The following NAA40 variants were observed in gnomAD, a reference collection of about 807,000 sequenced individuals.
NAA40 encodes the protein N-alpha-acetyltransferase 40.
Under a neutral mutation model 36.6 loss-of-function variants are expected in NAA40, and 26 were observed. That is an observed-to-expected ratio of 0.71 (90% CI 0.52 to 0.98). The LOEUF is 0.98. Ranked by LOEUF, NAA40 falls within the 50% of genes least tolerant of loss-of-function variation. The pLI is 0.00. For synonymous variants in NAA40, 129 were observed against 108.4 expected (o/e 1.19, Z -1.18); for missense variants, 237 against 306.5 (o/e 0.77, Z 1.69).
chr11:63,943,420 G>A (rs1180956135), intron 1 of NAA40, among the ~76,000 whole-genome samples: 1 of 152,196 alleles, frequency 6.6e-6, no homozygotes, highest in Non-Finnish European at 1.5e-5. Context: ...TGAAGCCCAG[G>A]CCTTATCGTG....
At position 63,952,472 on chromosome 11, in the gene NAA40, C is replaced by A. The variant is rs777751689; in HGVS notation, c.317C>A (p.Ala106Asp). Residue 106 changes from alanine to aspartate, a missense_variant, in exon 5 of 8, where the codon GCC becomes GAC. Physicochemically the swap from Ala to Asp is moderately radical, Grantham distance 126. Transcript: ENST00000377793. ...EKREEMTDDR[A>D]WYLIAWENSS... ...CGGGAGGAAATGACAGATGACCGAG[C>A]CTGGTACCTCATCGCGTGGGAAAAC... 1.2e-6 allele frequency: 2 copies of A among 1,614,176 alleles called. No homozygotes were observed. The highest frequency in any genetic ancestry group is 3.3e-5 in the Admixed American group (2 of 60,014).
chr11:63,948,966 T>C (rs1710485535), intron 3 of NAA40, among the ~76,000 whole-genome samples: 1 of 152,168 alleles, frequency 6.6e-6, no homozygotes, highest in African/African-American at 2.4e-5. Context: ...GGATCGTTTG[T>C]GCCCAGGAGT....
At chr11:63,940,132 C>T (rs576107367) in intron 1 of NAA40, among the ~76,000 whole-genome samples, 13 of 149,338 alleles carry the variant, frequency 8.7e-5, no homozygotes, top group Non-Finnish European at 1.2e-4. Flanking sequence ...CTCACTGCAT[C>T]CTCCTTCTTC....
At chr11:63,940,955 A>AAT (rs1942099437) in intron 1 of NAA40, among the ~76,000 whole-genome samples, 1 of 152,224 alleles carries the variant, frequency 6.6e-6, no homozygotes, top group South Asian at 2.1e-4. Context: ...AGAAGCAGCC[A>AAT]CTGCGGATTA....
chr11:63,950,414 C>T (rs895118961), intron 3 of NAA40, among the ~76,000 whole-genome samples: 2 of 151,952 alleles, frequency 1.3e-5, no homozygotes, highest in South Asian at 2.1e-4. Context: ...CCACTGCGCC[C>T]GGCCTGGAAA....
rs1942331038 is a variant in NAA40 at position 63,954,425 on chromosome 11, T to C, written c.660T>C (p.Phe220=). 5 of 1,612,914 alleles carry C rather than the reference T, an allele frequency of 3.1e-6. No homozygotes were observed. In the Admixed American group the frequency reaches 8.4e-5, roughly 27 times the overall value. ...SYEILSRRTK[F]GDSHHSHAGG... is the part of the protein sequence containing the mutation. ...AGATCCTGAGCCGGAGGACCAAGTT[T>C]GGGGACAGCCATCACTCCCACGCGG... is the stretch of plus-strand genomic sequence containing the variant. The change falls in exon 8 of 8, where the codon TTT becomes TTC. Residue 220 remains phenylalanine (F), a synonymous_variant. Transcript: ENST00000377793.
At chr11:63,950,026 G>A (rs1366717027) in intron 3 of NAA40, among the ~76,000 whole-genome samples, 10 of 151,968 alleles carry the variant, frequency 6.6e-5, no homozygotes, top group Non-Finnish European at 1.3e-4. Context: ...TTACAGGTGT[G>A]AGCCACCGTG....
intron 3 of NAA40, among the ~76,000 whole-genome samples, chr11:63,951,439 G>A (rs1169652451): frequency 1.3e-5 from 2 of 152,124 alleles, no homozygotes; most frequent in Non-Finnish European, 2.9e-5. Flanking sequence ...CGCCTCCCAG[G>A]TTCAAGCGAT....
chr11:63,945,535 C>T (rs1942172620), intron 1 of NAA40, among the ~76,000 whole-genome samples: 1 of 152,168 alleles, frequency 6.6e-6, no homozygotes, highest in Non-Finnish European at 1.5e-5. Context: ...TACTAAGTGC[C>T]TGCTGGGGGC....
At chr11:63,940,502 T>A (rs779459499) in intron 1 of NAA40, among the ~76,000 whole-genome samples, 12 of 152,222 alleles carry the variant, frequency 7.9e-5, no homozygotes, top group Non-Finnish European at 8.8e-5. Context: ...ACCTCTGTAA[T>A]TGGGATGCTA....
At chr11:63,943,605 T>C (rs1942141330) in intron 1 of NAA40, among the ~76,000 whole-genome samples, 1 of 152,160 alleles carries the variant, frequency 6.6e-6, no homozygotes, top group Admixed American at 6.5e-5. Context: ...ACATTGTCTC[T>C]TCAAGGCTCA....
Position 63,942,001 on chromosome 11 carries a change from T to C in NAA40, c.6+2899T>C, listed in dbSNP as rs149251130. ...TAACACTTTATAACAAAAAATGCCA[T>C]ATACATGTGATTGTGACATGGTGGA... On this transcript the variant is annotated intron_variant, in intron 1 of 7. Transcript: ENST00000377793. Among the ~76,000 whole-genome samples the C allele has an allele frequency of 1.7e-3, 253 of 152,314 alleles. 2 individuals carry two copies. Among genetic ancestry groups the C allele is most frequent in the African/African-American group, 5.6e-3 (234 of 41,580 alleles).
In NAA40 at chr11:63,952,285, C is replaced by T. The variant is rs766861827; in HGVS notation, c.203C>T (p.Ala68Val). 140 of 1,613,568 alleles carry T rather than the reference C, an allele frequency of 8.7e-5. No homozygotes were observed. The highest frequency in any genetic ancestry group is 9.4e-5 in the Non-Finnish European group (111 of 1,179,806). Reference sequence around the variant, plus strand: ...AAGCGAGTGTCTGGACTGGAGCCAGCCACCGTGGATTGGGCCTTCGACCTG... The same window carrying T: ...AAGCGAGTGTCTGGACTGGAGCCAGTCACCGTGGATTGGGCCTTCGACCTG... ...ECKRVSGLEP[A>V]TVDWAFDLTK... The change falls in exon 4 of 8, where the codon GCC becomes GTC. Residue 68 changes from alanine (A) to valine (V), a missense_variant. Transcript: ENST00000377793.
In NAA40 at chr11:63,952,331, C is replaced by G. The variant is rs544673237; in HGVS notation, c.249C>G (p.Thr83=). 5.6e-6 allele frequency: 9 copies of G among 1,613,772 alleles called. No individual in the cohort carries two copies. The South Asian group carries it at 9.9e-5, about 18-fold the overall frequency. Residue 83 remains threonine, a splice_region_variant and synonymous_variant, in exon 4 of 8, where the codon ACC becomes ACG. Transcript: ENST00000377793. The part of the protein sequence containing the change: ...AFDLTKTNMQ[T]MYEQSEWGWK... The stretch of plus-strand genomic sequence containing the variant: ...ACCTGACCAAAACGAATATGCAAAC[C>G]ATGTAAGCTTGTCCCAACCAGGGGA...
chr11:63,954,080 G>A (rs771456806), intron 7 of NAA40, 31 bp downstream of exon 7: 6 of 1,607,604 alleles, frequency 3.7e-6, no homozygotes, highest in Non-Finnish European at 5.1e-6. Flanking sequence ...CCTTCTGGGT[G>A]GTAGGTGGGC....
At position 63,957,086 on chromosome 11, in the gene NAA40, TC is replaced by T. The variant is rs1404316612; in HGVS notation, c.*2609del. On this transcript the variant is annotated 3_prime_UTR_variant, in exon 8 of 8. Transcript: ENST00000377793. Reference sequence around the variant, plus strand: ...TAAGATTTTTAAAATTTTAGTTATATCCACCCTATTTCAGGTTATTTTTGTT... The same window carrying T: ...TAAGATTTTTAAAATTTTAGTTATATCACCCTATTTCAGGTTATTTTTGTT... 6.6e-6 allele frequency: 1 copy of T among 151,770 alleles called. No homozygotes were observed. Among genetic ancestry groups the T allele is most frequent in the Non-Finnish European group, 1.5e-5 (1 of 67,974 alleles). 9.4% of individuals were successfully genotyped at this position (151,770 alleles called of 1,614,324 possible). A position where few individuals can be genotyped will look rare whatever the true frequency, so the allele number is the denominator to read the frequency against.
rs1315681097 is a variant in NAA40, at chr11:63,952,438, C to T, written c.283C>T (p.Arg95Ter). The T allele has an allele frequency of 4.3e-6, 7 of 1,614,050 alleles. No homozygotes were observed. Among genetic ancestry groups the T allele is most frequent in the African/African-American group, 1.3e-5 (1 of 74,922 alleles). The change falls in exon 5 of 8, where the codon CGA becomes TGA. Residue 95 changes from arginine (R) to a stop codon, truncating the protein, a stop_gained. Coordinates refer to ENST00000377793, the MANE Select transcript of NAA40 (RefSeq NM_024771.4). LOFTEE classifies it high-confidence loss of function. Reference protein sequence around the residue: ...YEQSEWGWKDREKREEMTDDR... With the variant: ...YEQSEWGWKD Reference sequence around the variant, plus strand: ...GCAGAGCGAGTGGGGCTGGAAGGACCGAGAGAAACGGGAGGAAATGACAGA... The same window carrying T: ...GCAGAGCGAGTGGGGCTGGAAGGACTGAGAGAAACGGGAGGAAATGACAGA...
intron 2 of NAA40, chr11:63,946,596 T>C (rs1054857697): frequency 3.3e-5 from 41 of 1,257,334 alleles, no homozygotes; most frequent in Admixed American, 6.9e-5. Flanking sequence ...AGGGGCTTGA[T>C]TTTCCATTTG....
intron 3 of NAA40, among the ~76,000 whole-genome samples, chr11:63,948,212 C>T (rs1215784769): frequency 6.6e-6 from 1 of 152,142 alleles, no homozygotes; most frequent in Non-Finnish European, 1.5e-5. Context: ...CTGAAACAAA[C>T]TTGGAAAATT....
Sources: allele counts gnomAD v4.1 joint callset (sites outside exome capture counted in the v4.1 genomes callset), GRCh38; gene constraint gnomAD v4.1.1; transcripts MANE v1.5; gene names NCBI Gene and HGNC (gene_info 2026-07-23, HGNC 2026-07-21).